CACNA2D1: variants seen among roughly 807,000 people sequenced by gnomAD.
CACNA2D1 encodes the protein calcium voltage-gated channel auxiliary subunit alpha2delta 1, also known as voltage-dependent calcium channel subunit alpha-2/delta-1.
A neutral mutation model predicts 171.5 loss-of-function variants in CACNA2D1; 53 were observed. The observed-to-expected ratio is 0.31, with a 90% CI of 0.25 to 0.39. The LOEUF is 0.39. Ranked by LOEUF, CACNA2D1 falls within the 10% of genes least tolerant of loss-of-function variation. CACNA2D1 has a pLI of 1.00. For synonymous variants in CACNA2D1, 442 were observed against 443.1 expected, an observed-to-expected ratio of 1.00 and a Z score of 0.03; for missense variants, 903 against 1,299.8, an observed-to-expected ratio of 0.69 and a Z score of 4.69.
chr7:82,103,967 G>C (rs1356989756), intron 6 of CACNA2D1, among the ~76,000 whole-genome samples: 4 of 151,870 alleles, frequency 2.6e-5, no homozygotes, highest in Non-Finnish European at 5.9e-5. Context: ...TAACTTGAAG[G>C]CCATCAAAGT....
At chr7:82,316,254 C>G (rs76012022) in intron 3 of CACNA2D1, among the ~76,000 whole-genome samples, 6,041 of 152,208 alleles carry the variant, frequency 0.04, 166 homozygotes, top group Middle Eastern at 0.082. Flanking sequence ...ACTGACAGGA[C>G]AGAAGTGTTC....
chr7:82,205,224 T>C (rs1432041216), intron 3 of CACNA2D1, among the ~76,000 whole-genome samples: 1 of 152,196 alleles, frequency 6.6e-6, no homozygotes, highest in Non-Finnish European at 1.5e-5. Context: ...TGGTGTGACA[T>C]GCCCCAAAAT....
chr7:82,106,922 T>C (rs1178752491), intron 6 of CACNA2D1, among the ~76,000 whole-genome samples: 1 of 152,218 alleles, frequency 6.6e-6, no homozygotes, highest in Non-Finnish European at 1.5e-5. Flanking sequence ...AGATTAACCA[T>C]ATATGCTGAC....
intron 7 of CACNA2D1, among the ~76,000 whole-genome samples, chr7:82,070,489 C>T (rs1808197060): frequency 6.6e-6 from 1 of 152,130 alleles, no homozygotes; most frequent in Non-Finnish European, 1.5e-5. Flanking sequence ...AGATTCTGCT[C>T]CAGGCAGTTA....
At chr7:82,426,020 G>A (rs1450273754) in intron 1 of CACNA2D1, among the ~76,000 whole-genome samples, 1 of 151,220 alleles carries the variant, frequency 6.6e-6, no homozygotes, top group Non-Finnish European at 1.5e-5. Context: ...ATCCCAGCTA[G>A]TAGGGAGGCT....
chr7:82,251,654 T>A (rs1367190616), intron 3 of CACNA2D1, among the ~76,000 whole-genome samples: 2 of 152,240 alleles, frequency 1.3e-5, no homozygotes, highest in Non-Finnish European at 1.5e-5. Flanking sequence ...GGTATGTAAG[T>A]GATTTGATGT....
At chr7:82,206,730 A>AT (rs1800035255) in intron 3 of CACNA2D1, among the ~76,000 whole-genome samples, 1 of 152,134 alleles carries the variant, frequency 6.6e-6, no homozygotes, top group Non-Finnish European at 1.5e-5. Flanking sequence ...GATAAAAACT[A>AT]TTTTTCCAAT....
intron 2 of CACNA2D1, among the ~76,000 whole-genome samples, chr7:82,341,033 T>C (rs553810847): frequency 1.3e-5 from 2 of 152,328 alleles, no homozygotes; most frequent in African/African-American, 4.8e-5. Context: ...TAATTTTAGT[T>C]GAATTTTGCA....
intron 11 of CACNA2D1, among the ~76,000 whole-genome samples, chr7:82,036,038 A>G (rs1803253943): frequency 6.6e-6 from 1 of 152,098 alleles, no homozygotes; most frequent in Non-Finnish European, 1.5e-5. Flanking sequence ...AACATATCTG[A>G]AACTGAGCTA....
chr7:82,040,965 A>G (rs1256618657), intron 10 of CACNA2D1, among the ~76,000 whole-genome samples: 1 of 151,916 alleles, frequency 6.6e-6, no homozygotes, highest in East Asian at 1.9e-4. Context: ...ACAAGAGCGA[A>G]ACTCCATCTC....
chr7:82,322,641 T>A (rs1342990018), intron 3 of CACNA2D1, among the ~76,000 whole-genome samples: 3 of 151,766 alleles, frequency 2.0e-5, no homozygotes, highest in Non-Finnish European at 1.5e-5. Context: ...AAAATAAAAT[T>A]TAAAAAGATT....
At chr7:82,169,469 C>A (rs1452323949) in intron 4 of CACNA2D1, among the ~76,000 whole-genome samples, 10 of 151,856 alleles carry the variant, frequency 6.6e-5, no homozygotes, top group Admixed American at 6.6e-4. Context: ...AAGTGATAAA[C>A]AGTAAAAATA....
intron 3 of CACNA2D1, among the ~76,000 whole-genome samples, chr7:82,186,978 A>G (rs960215478): frequency 2.6e-5 from 4 of 152,220 alleles, no homozygotes; most frequent in Non-Finnish European, 5.9e-5. Context: ...CATAAGACTC[A>G]TTAGTATTCA....
At chr7:82,068,830 G>A (rs561445967) in intron 7 of CACNA2D1, among the ~76,000 whole-genome samples, 2 of 151,968 alleles carry the variant, frequency 1.3e-5, no homozygotes, top group Non-Finnish European at 2.9e-5. Flanking sequence ...GATTTCTGTT[G>A]TCACTACCAT....
intron 2 of CACNA2D1, among the ~76,000 whole-genome samples, chr7:82,342,053 C>CAAAAAA (rs60799157): frequency 1.5e-5 from 1 of 65,490 alleles, no homozygotes; most frequent in Non-Finnish European, 2.9e-5. Context: ...GACTCCGTCT[C>CAAAAAA]AAAAAAAAAA....
chr7:82,325,302 A>G (rs42342), intron 3 of CACNA2D1, among the ~76,000 whole-genome samples: 111,170 of 152,058 alleles, frequency 0.73, 41,087 homozygotes, highest in African/African-American at 0.85. Flanking sequence ...TCACTGGAAA[A>G]ATATTCTTCA....
chr7:82,247,777 A>G (rs950909549), intron 3 of CACNA2D1, among the ~76,000 whole-genome samples: 3 of 152,206 alleles, frequency 2.0e-5, no homozygotes, highest in Non-Finnish European at 4.4e-5. Context: ...AACATTATCA[A>G]TTCACTATTC....
chr7:82,236,183 T>G (rs1203565219), intron 3 of CACNA2D1, among the ~76,000 whole-genome samples: 1 of 151,914 alleles, frequency 6.6e-6, no homozygotes, highest in African/African-American at 2.4e-5. Context: ...CTCTAGAAAC[T>G]CGTAACAAGT....
At chr7:82,333,560 G>C (rs1441992519) in intron 3 of CACNA2D1, among the ~76,000 whole-genome samples, 1 of 151,688 alleles carries the variant, frequency 6.6e-6, no homozygotes, top group Non-Finnish European at 1.5e-5. Context: ...TTACTATTAC[G>C]GGAACAGCAT....
Sources: gnomAD v4.1 joint callset for allele counts (sites outside exome capture counted in the v4.1 genomes callset) on GRCh38, gnomAD v4.1.1 for gene constraint, MANE v1.5 for transcripts, NCBI Gene and HGNC (gene_info 2026-07-23, HGNC 2026-07-21) for gene names.